The following KLHL1 variants were observed in gnomAD, a reference collection of about 807,000 sequenced individuals.
The protein encoded by KLHL1 is kelch like family member 1, also known as kelch-like protein 1.
KLHL1 carries 47 observed loss-of-function variants against 77.7 expected under a neutral mutation model. The observed-to-expected ratio is 0.60, with a 90% CI of 0.48 to 0.77. The LOEUF (loss-of-function observed/expected upper bound fraction) is 0.77, where lower values mean the gene tolerates loss of function less well. Among genes scored for constraint, KLHL1 ranks in the 30% least tolerant of loss-of-function variants. The pLI is 0.00. For synonymous variants in KLHL1, 360 were observed against 325.2 expected (o/e 1.11, Z -1.15); for missense variants, 925 against 910.8 (o/e 1.02, Z -0.20).
At chr13:70,015,315 G>A (rs993676531) in intron 1 of KLHL1, among the ~76,000 whole-genome samples, 1 of 152,014 alleles carries the variant, frequency 6.6e-6, no homozygotes, top group Non-Finnish European at 1.5e-5. Flanking sequence ...AATACTGTGG[G>A]CAATTTTAAT....
intron 6 of KLHL1, among the ~76,000 whole-genome samples, chr13:69,829,567 A>G (rs993659924): frequency 1.3e-5 from 2 of 150,142 alleles, no homozygotes; most frequent in African/African-American, 5.0e-5. Flanking sequence ...CTAGCTCACC[A>G]ACAATGGATC....
At chr13:69,822,197 C>CAAAAAAAAAA (rs35346749) in intron 6 of KLHL1, among the ~76,000 whole-genome samples, 2 of 78,398 alleles carry the variant, frequency 2.6e-5, no homozygotes, top group African/African-American at 9.1e-5. Flanking sequence ...GACTCCATCT[C>CAAAAAAAAAA]AAAAAAAAAA....
chr13:69,903,617 C>A (rs1429620252), intron 4 of KLHL1, among the ~76,000 whole-genome samples: 2 of 136,686 alleles, frequency 1.5e-5, no homozygotes, highest in South Asian at 2.4e-4. Flanking sequence ...TGCAGAAAAC[C>A]CTTGTTCACA....
rs144583054 is a variant in KLHL1, at chr13:69,975,810, CCA to C, written c.498-10_498-9del. On this transcript the variant is annotated splice_polypyrimidine_tract_variant and intron_variant, in intron 1 of 10. Coordinates refer to ENST00000377844, the MANE Select transcript of KLHL1 (RefSeq NM_020866.3). ...TGGCCGGTTGATGACAGCCTATAAA[CCA>C]CACACACACACACACACACACAAAA... is the stretch of plus-strand genomic sequence containing the variant. The C allele has an allele frequency of 0.042, 50,954 of 1,200,020 alleles. No homozygotes were observed. Among genetic ancestry groups the C allele is most frequent in the East Asian group, 0.07 (2,069 of 29,358 alleles). The allele number at this position is 1,200,020 out of a possible 1,614,324, so 74.3% of individuals were successfully genotyped here. A position where few individuals can be genotyped will look rare whatever the true frequency, so the allele number is the denominator to read the frequency against.
intron 9 of KLHL1, among the ~76,000 whole-genome samples, chr13:69,712,854 C>T (rs1380498438): frequency 1.3e-5 from 2 of 150,668 alleles, no homozygotes; most frequent in African/African-American, 4.9e-5. Context: ...GCAATCTTGG[C>T]TCACCACGAC....
intron 1 of KLHL1, among the ~76,000 whole-genome samples, chr13:69,991,480 G>C (rs1046389445): frequency 5.3e-5 from 8 of 151,810 alleles, no homozygotes; most frequent in African/African-American, 1.7e-4. Flanking sequence ...AACACAATCA[G>C]AAATGACACA....
chr13:69,966,872 T>G (rs1884226742), intron 2 of KLHL1, among the ~76,000 whole-genome samples: 1 of 152,176 alleles, frequency 6.6e-6, no homozygotes, highest in South Asian at 2.1e-4. Context: ...CATTTGTCTT[T>G]CTGTGCCTGG....
chr13:69,905,391 A>G (rs1374085027), intron 4 of KLHL1, among the ~76,000 whole-genome samples: 1 of 152,100 alleles, frequency 6.6e-6, no homozygotes, highest in Non-Finnish European at 1.5e-5. Flanking sequence ...TCTTCTGTTT[A>G]TAGTCTAAAT....
rs191658861 is a variant in KLHL1, at chr13:69,844,982, T to C, written c.1228-5820A>G. 4.0e-3 allele frequency among the ~76,000 whole-genome samples: 609 copies of C among 151,744 alleles called. 2 individuals carry two copies. Among genetic ancestry groups the C allele is most frequent in the Non-Finnish European group, 5.2e-3 (354 of 67,766 alleles). On this transcript the variant is annotated intron_variant, in intron 5 of 10. Transcript: ENST00000377844. ...CCAGGAAATATTTGCTCCCGCAGGA[T>C]GAGACATCTGTGAACCCACAAAAAT...
intron 1 of KLHL1, among the ~76,000 whole-genome samples, chr13:70,025,168 T>G (rs374742057): frequency 2.8e-4 from 43 of 152,020 alleles, no homozygotes; most frequent in African/African-American, 1.0e-3. Context: ...AGTTAAGGTC[T>G]TTGGACTAAT....
At chr13:69,885,132 G>T (rs1281556546) in intron 4 of KLHL1, among the ~76,000 whole-genome samples, 1 of 137,666 alleles carries the variant, frequency 7.3e-6, no homozygotes, top group Non-Finnish European at 1.5e-5. Flanking sequence ...AGTAGAGACG[G>T]GGTTTCACCG....
At chr13:70,022,262 A>T (rs1304496016) in intron 1 of KLHL1, among the ~76,000 whole-genome samples, 1 of 148,414 alleles carries the variant, frequency 6.7e-6, no homozygotes, top group South Asian at 2.2e-4. Context: ...TTTCAAAGGT[A>T]AGTTGATTAC....
At chr13:69,734,241 T>C (rs950673038) in intron 8 of KLHL1, among the ~76,000 whole-genome samples, 9 of 152,146 alleles carry the variant, frequency 5.9e-5, no homozygotes, top group Admixed American at 1.3e-4. Context: ...ACTTTCACCA[T>C]GTGATGTGCC....
intron 5 of KLHL1, among the ~76,000 whole-genome samples, chr13:69,843,531 A>G (rs758588926): frequency 1.3e-5 from 2 of 151,732 alleles, no homozygotes; most frequent in African/African-American, 2.4e-5. Context: ...TTTAGCTTAC[A>G]AGTAACCCTA....
Position 69,740,511 on chromosome 13 carries a change from T to C in KLHL1, c.1685A>G (p.Asp562Gly). 1.2e-6 allele frequency: 2 copies of C among 1,612,824 alleles called. No homozygotes were observed. Among genetic ancestry groups the C allele is most frequent in the African/African-American group, 1.3e-5 (1 of 75,036 alleles). Residue 562 changes from aspartate to glycine, a missense_variant, in exon 8 of 11, where the codon GAT (aspartate) becomes GGT (glycine). Physicochemically the swap from Asp to Gly is moderately conservative, Grantham distance 94. Transcript: ENST00000377844. ...EGPIYAVGGH[D>G]GWSYLNTVER... is the part of the protein sequence containing the mutation. ...CACTGTATTCAGATAGCTCCAGCCA[T>C]CATGGCCTCCCACAGCATAAATAGG...
At chr13:70,104,064 A>G (rs372702754) in intron 1 of KLHL1, among the ~76,000 whole-genome samples, 108 of 152,326 alleles carry the variant, frequency 7.1e-4, no homozygotes, top group African/African-American at 2.5e-3. Flanking sequence ...ATAAAATGCA[A>G]GAATATAAAT....
chr13:69,812,096 T>A (rs548517010), intron 6 of KLHL1, among the ~76,000 whole-genome samples: 1 of 152,186 alleles, frequency 6.6e-6, no homozygotes, highest in Non-Finnish European at 1.5e-5. Flanking sequence ...GATTCTGGTA[T>A]GTTGTGTCTT....
chr13:70,072,129 T>C (rs1273799922), intron 1 of KLHL1, among the ~76,000 whole-genome samples: 1 of 152,058 alleles, frequency 6.6e-6, no homozygotes, highest in East Asian at 1.9e-4. Context: ...TCACTATTGA[T>C]CCCATAGACA....
At chr13:70,082,858 C>T (rs1256751690) in intron 1 of KLHL1, among the ~76,000 whole-genome samples, 2 of 152,074 alleles carry the variant, frequency 1.3e-5, no homozygotes, top group East Asian at 1.9e-4. Flanking sequence ...ATAACCTAAG[C>T]AAATTAGCAT....
Sources: gnomAD v4.1 joint callset for allele counts (sites outside exome capture counted in the v4.1 genomes callset) on GRCh38, gnomAD v4.1.1 for gene constraint, MANE v1.5 for transcripts, NCBI Gene and HGNC (gene_info 2026-07-23, HGNC 2026-07-21) for gene names.